Variants in PKIA observed in about 807,000 individuals in gnomAD.
The protein encoded by PKIA is PKI-alpha.
A neutral mutation model predicts 7.6 loss-of-function variants in PKIA; 4 were observed. The ratio of observed to expected loss-of-function variants is 0.52; its 90% CI spans 0.26 to 1.20. The LOEUF (loss-of-function observed/expected upper bound fraction) is 1.20. Among genes scored for constraint, PKIA ranks in the 50% most tolerant of loss-of-function variants. PKIA has a pLI of 0.13. For synonymous variants in PKIA, 21 were observed against 30.7 expected (o/e 0.68, Z 1.04); for missense variants, 73 against 86.2 (o/e 0.85, Z 0.61).
intron 1 of PKIA, among the ~76,000 whole-genome samples, chr8:78,571,464 GT>G (rs1214324840): frequency 6.6e-6 from 1 of 152,110 alleles, no homozygotes; most frequent in Non-Finnish European, 1.5e-5. Flanking sequence ...CGCCAGAAGT[GT>G]GCAGGAGATA....
At chr8:78,535,332 A>G (rs1200436928) in intron 1 of PKIA, 2 of 152,160 alleles carry the variant, frequency 1.3e-5, no homozygotes, top group Non-Finnish European at 2.9e-5. Flanking sequence ...ACTTTCCAGC[A>G]TACTCACATT....
chr8:78,537,787 G>T (rs1449974375), intron 1 of PKIA, among the ~76,000 whole-genome samples: 2 of 152,020 alleles, frequency 1.3e-5, no homozygotes, highest in Non-Finnish European at 2.9e-5. Flanking sequence ...TTGGTTGCTA[G>T]CAAGCATGCA....
chr8:78,603,944 G>A lies in PKIA; in HGVS notation c.*2123G>A, dbSNP rs1808414690. ...TAGTGCTAAATTGCAAAGTCATATG[G>A]AGCTTTGGATTTAGTTTGACTTCTT... is the stretch of plus-strand genomic sequence containing the variant. On this transcript the variant is annotated 3_prime_UTR_variant, in exon 4 of 4. Transcript: ENST00000396418. 2.6e-5 allele frequency: 4 copies of A among 151,914 alleles called. No homozygotes were observed. In the South Asian group the frequency reaches 8.3e-4, roughly 31 times the overall value. 9.4% of individuals were successfully genotyped at this position (151,914 alleles called of 1,614,324 possible). A position where few individuals can be genotyped will look rare whatever the true frequency, so the allele number is the denominator to read the frequency against.
chr8:78,549,504 T>C (rs1243202898), intron 1 of PKIA, among the ~76,000 whole-genome samples: 1 of 151,986 alleles, frequency 6.6e-6, no homozygotes, highest in Non-Finnish European at 1.5e-5. Flanking sequence ...TATAATTGAT[T>C]TAGAAATTCC....
chr8:78,554,488 G>A (rs1471683581), intron 1 of PKIA, among the ~76,000 whole-genome samples: 2 of 151,962 alleles, frequency 1.3e-5, no homozygotes, highest in Admixed American at 6.6e-5. Context: ...AGAAATTGTT[G>A]AAGGCCTTGC....
At chr8:78,583,833 T>C (rs1807879839) in intron 2 of PKIA, among the ~76,000 whole-genome samples, 1 of 151,984 alleles carries the variant, frequency 6.6e-6, no homozygotes. Context: ...TGGGAGTCAT[T>C]TATATCCCAC....
chr8:78,585,612 ATAT>A (rs1288524978), intron 2 of PKIA, among the ~76,000 whole-genome samples: 4 of 152,176 alleles, frequency 2.6e-5, no homozygotes, highest in African/African-American at 9.6e-5. Flanking sequence ...TGCAGAGAAG[ATAT>A]TATAAATTGG....
At chr8:78,590,314 C>T (rs1179234367) in intron 2 of PKIA, among the ~76,000 whole-genome samples, 3 of 150,504 alleles carry the variant, frequency 2.0e-5, no homozygotes, top group Admixed American at 6.7e-5. Flanking sequence ...AAAAAAATTG[C>T]GTGGACAAAA....
intron 1 of PKIA, among the ~76,000 whole-genome samples, chr8:78,522,143 T>A (rs1393930988): frequency 2.0e-5 from 3 of 152,084 alleles, no homozygotes; most frequent in African/African-American, 7.2e-5. Flanking sequence ...ACACTTTCAG[T>A]ACATTGTCTA....
At chr8:78,575,150 C>T (rs993157473) in intron 2 of PKIA, among the ~76,000 whole-genome samples, 2 of 151,946 alleles carry the variant, frequency 1.3e-5, no homozygotes, top group South Asian at 4.1e-4. Flanking sequence ...GTAATGCATG[C>T]AAATCTGTTA....
At chr8:78,534,532 C>G (rs1806471193) in intron 1 of PKIA, 1 of 152,106 alleles carries the variant, frequency 6.6e-6, no homozygotes, top group Non-Finnish European at 1.5e-5. Flanking sequence ...TTGACTCATT[C>G]ATGCACCATA....
At chr8:78,582,310 A>C (rs1431532501) in intron 2 of PKIA, among the ~76,000 whole-genome samples, 1 of 151,912 alleles carries the variant, frequency 6.6e-6, no homozygotes, top group Non-Finnish European at 1.5e-5. Context: ...ACAGTTCCAC[A>C]TTGCTGGAGA....
At chr8:78,548,807 T>A (rs952717313) in intron 1 of PKIA, among the ~76,000 whole-genome samples, 2 of 152,164 alleles carry the variant, frequency 1.3e-5, no homozygotes, top group Admixed American at 1.3e-4. Flanking sequence ...ATGCAGGGGA[T>A]ATAGTTCCCA....
intron 1 of PKIA, chr8:78,556,719 TTA>T: frequency 6.6e-6 from 1 of 152,134 alleles, no homozygotes; most frequent in East Asian, 1.9e-4. Context: ...ATGGATAATT[TTA>T]CTGTGAAATT....
intron 2 of PKIA, among the ~76,000 whole-genome samples, chr8:78,591,675 C>A (rs1012775476): frequency 6.6e-6 from 1 of 152,034 alleles, no homozygotes; most frequent in Admixed American, 6.5e-5. Context: ...TTTCCCTATC[C>A]CATAAGGCTG....
rs774325705 is a variant in PKIA, at chr8:78,604,876, T to C, written c.*3055T>C. ...ATAAATAACAGACATTGAAATCCAA[T>C]TCTTAGATAATACTCCCAGAACAGC... On this transcript the variant is annotated 3_prime_UTR_variant, in exon 4 of 4. Coordinates refer to ENST00000396418, the MANE Select transcript of PKIA (RefSeq NM_006823.4). 6.6e-6 allele frequency: 1 copy of C among 152,048 alleles called. No individual in the cohort carries two copies. Among genetic ancestry groups the C allele is most frequent in the Non-Finnish European group, 1.5e-5 (1 of 67,982 alleles). The allele number at this position is 152,048 out of a possible 1,614,324, so 9.4% of individuals were successfully genotyped here.
intron 1 of PKIA, among the ~76,000 whole-genome samples, chr8:78,571,105 T>C (rs1419977493): frequency 1.3e-5 from 2 of 152,060 alleles, no homozygotes; most frequent in African/African-American, 4.8e-5. Flanking sequence ...GAGTGTTAAA[T>C]GAGTGATGAA....
intron 3 of PKIA, among the ~76,000 whole-genome samples, chr8:78,600,962 G>C (rs1808337633): frequency 6.6e-6 from 1 of 152,024 alleles, no homozygotes; most frequent in Non-Finnish European, 1.5e-5. Flanking sequence ...TGTTTGCCAA[G>C]CCATACTGGC....
intron 2 of PKIA, among the ~76,000 whole-genome samples, chr8:78,577,682 G>A (rs958195324): frequency 4.0e-5 from 6 of 151,800 alleles, no homozygotes; most frequent in African/African-American, 1.5e-4. Context: ...CTCCCAAAAC[G>A]GCACTTACCA....
Sources: allele counts gnomAD v4.1 joint callset (sites outside exome capture counted in the v4.1 genomes callset), GRCh38; gene constraint gnomAD v4.1.1; transcripts MANE v1.5; gene names NCBI Gene and HGNC (gene_info 2026-07-23, HGNC 2026-07-21).